CD58: variants seen among roughly 807,000 people sequenced by gnomAD.
CD58 encodes CD58 molecule.
A neutral mutation model predicts 27.6 loss-of-function variants in CD58; 14 were observed. The ratio of observed to expected loss-of-function variants is 0.51; its 90% confidence interval spans 0.34 to 0.79. The LOEUF (loss-of-function observed/expected upper bound fraction) is 0.79. Among genes scored for constraint, CD58 ranks in the 30% least tolerant of loss-of-function variants. CD58 has a pLI of 0.02. For synonymous variants in CD58, 117 were observed against 103.8 expected (o/e 1.13, Z -0.77); for missense variants, 268 against 301.7 (o/e 0.89, Z 0.83).
intron 2 of CD58, among the ~76,000 whole-genome samples, chr1:116,537,635 T>C (rs1459387705): frequency 6.6e-6 from 1 of 152,198 alleles, no homozygotes; most frequent in Admixed American, 6.5e-5. Context: ...AGCATGGACC[T>C]ACAAGGATGA....
chr1:116,565,887 A>AT (rs911068493), intron 1 of CD58, among the ~76,000 whole-genome samples: 51 of 152,014 alleles, frequency 3.4e-4, no homozygotes, highest in Middle Eastern at 6.8e-3. Flanking sequence ...TGCCCAGCTA[A>AT]TTTTTTGTTT....
chr1:116,531,073 A>C lies in CD58; in HGVS notation c.628+4892T>G, dbSNP rs1161581592. Among the ~76,000 whole-genome samples the C allele has an allele frequency of 1.3e-5, 2 of 152,200 alleles. No homozygotes were observed. The highest frequency in any genetic ancestry group is 4.8e-5 in the African/African-American group (2 of 41,440). ...TCACCATTATTTAATAATTAAAAGAATTTTTTCAAATTAATAGTACTTATT... is the reference window on the plus strand; with the variant it reads ...TCACCATTATTTAATAATTAAAAGACTTTTTTCAAATTAATAGTACTTATT... On this transcript the variant is annotated intron_variant, in intron 3 of 5. Coordinates refer to ENST00000369489, the MANE Select transcript of CD58 (RefSeq NM_001779.3). The surrounding 1 kb of genome is among the most constrained non-coding windows in gnomAD (Gnocchi z 4.5).
chr1:116,514,825 A>G lies in CD58; in HGVS notation c.744-3T>C. ...CTTCTGTTACCAATCAATTGGAGCT[A>G]CAAAAAAAAATCATATTATTAACTT... On this transcript the variant is annotated splice_region_variant and splice_polypyrimidine_tract_variant and intron_variant, in intron 5 of 5. Transcript: ENST00000369489. 6.4e-7 allele frequency: 1 copy of G among 1,557,858 alleles called. No homozygotes were observed. The highest frequency in any genetic ancestry group is 2.3e-5 in the East Asian group (1 of 44,418).
intron 2 of CD58, among the ~76,000 whole-genome samples, chr1:116,543,649 G>A (rs1658063657): frequency 6.6e-6 from 1 of 152,014 alleles, no homozygotes; most frequent in African/African-American, 2.4e-5. Flanking sequence ...GGAGCTGGGT[G>A]TGGTGGCTCA....
chr1:116,528,571 A>G lies in CD58; in HGVS notation c.629-6588T>C, dbSNP rs1571062996. 6.6e-6 allele frequency among the ~76,000 whole-genome samples: 1 copy of G among 152,184 alleles called. No homozygotes were observed. The highest frequency in any genetic ancestry group is 1.9e-4 in the East Asian group (1 of 5,198). On this transcript the variant is annotated intron_variant, in intron 3 of 5. Coordinates refer to ENST00000369489, the MANE Select transcript of CD58 (RefSeq NM_001779.3). The surrounding 1 kb of genome is among the most constrained non-coding windows in gnomAD (Gnocchi z 4.4). ...CAACAGTTGGAAACTGGTACTCTAGAGAATATCCTCTTGCCTACCCCTTCA... is the reference window on the plus strand; with the variant it reads ...CAACAGTTGGAAACTGGTACTCTAGGGAATATCCTCTTGCCTACCCCTTCA...
At chr1:116,562,226 G>A (rs1022719359) in intron 1 of CD58, among the ~76,000 whole-genome samples, 10 of 152,034 alleles carry the variant, frequency 6.6e-5, no homozygotes, top group African/African-American at 2.4e-4. Flanking sequence ...TGCATACAAG[G>A]AACTTAAAAT....
At position 116,523,606 on chromosome 1, in the gene CD58, C is replaced by G. The variant is rs1453155227; in HGVS notation, c.629-1623G>C. On this transcript the variant is annotated intron_variant, in intron 3 of 5. Coordinates refer to ENST00000369489, the MANE Select transcript of CD58 (RefSeq NM_001779.3). This position sits in a 1 kb window ranked among gnomAD's most constrained non-coding sequence, Gnocchi z 4.4. ...GATATTCCTTGGCAATAATACTCCC[C>G]AAGTAGTGTTTGTATACTTCCCTTA... 6.6e-6 allele frequency among the ~76,000 whole-genome samples: 1 copy of G among 152,156 alleles called. No homozygotes were observed. The highest frequency in any genetic ancestry group is 1.5e-5 in the Non-Finnish European group (1 of 68,028).
chr1:116,518,057 GAC>G (rs1257902623), intron 5 of CD58, among the ~76,000 whole-genome samples: 10 of 152,024 alleles, frequency 6.6e-5, no homozygotes, highest in African/African-American at 9.7e-5. Context: ...AATATATTTT[GAC>G]ACAGTTATTT....
rs893073919 is a variant in CD58, at chr1:116,515,328, T to A, written c.744-506A>T. Among the ~76,000 whole-genome samples the A allele has an allele frequency of 6.6e-6, 1 of 152,190 alleles. No homozygotes were observed. The highest frequency in any genetic ancestry group is 1.9e-4 in the East Asian group (1 of 5,202). On this transcript the variant is annotated intron_variant, in intron 5 of 5. Coordinates refer to ENST00000369489, the MANE Select transcript of CD58 (RefSeq NM_001779.3). The surrounding 1 kb of genome is among the most constrained non-coding windows in gnomAD (Gnocchi z 4.6). ...TGAGCAAGCCCTCAAACCGAGTCCA[T>A]TTCCCGGCCTCCTCCCCCGTGGTCT...
In CD58 at chr1:116,533,035, CTCT is replaced by C. The variant is rs371035115; in HGVS notation, c.628+2927_628+2929del. 64 of 729,178 alleles carry C rather than the reference CTCT, an allele frequency of 8.8e-5. No homozygotes were observed. The African/African-American group carries it at 9.4e-4, about 11-fold the overall frequency. 45.2% of individuals were successfully genotyped at this position (729,178 alleles called of 1,614,324 possible). ...CCTCCTCATCACCTTCTAATTCGTC[CTCT>C]TCTTCTTCACCTTCGTCAAAATTGT... On this transcript the variant is annotated intron_variant, in intron 3 of 5. Coordinates refer to ENST00000369489, the MANE Select transcript of CD58 (RefSeq NM_001779.3).
In CD58 at chr1:116,519,004, G is replaced by A. The variant is rs1657180259; in HGVS notation, c.743+227C>T. The A allele has an allele frequency of 1.1e-5, 12 of 1,089,348 alleles. No individual in the cohort carries two copies. Among genetic ancestry groups the A allele is most frequent in the Non-Finnish European group, 1.5e-5 (12 of 791,376 alleles). 67.5% of individuals were successfully genotyped at this position (1,089,348 alleles called of 1,614,324 possible). ...AAGGGGTATGATACTCCTCCTGCAA[G>A]GCTCATTGAGAGGGTTCCAGGAAAC... is the stretch of plus-strand genomic sequence containing the variant. On this transcript the variant is annotated intron_variant, in intron 5 of 5. Transcript: ENST00000369489. This position sits in a 1 kb window ranked among gnomAD's most constrained non-coding sequence, Gnocchi z 4.7.
rs1657372443 is a variant in CD58 at position 116,524,583 on chromosome 1, A to G, written c.629-2600T>C. Among the ~76,000 whole-genome samples, 1 of 152,222 alleles carries G rather than the reference A, an allele frequency of 6.6e-6. No homozygotes were observed. Among genetic ancestry groups the G allele is most frequent in the Non-Finnish European group, 1.5e-5 (1 of 68,026 alleles). ...ACCTTTAAATAAATCCAGGGCTACA[A>G]TGTTTACTTAACCTAATCAATTTAC... On this transcript the variant is annotated intron_variant, in intron 3 of 5. Transcript: ENST00000369489. This position sits in a 1 kb window ranked among gnomAD's most constrained non-coding sequence, Gnocchi z 4.6.
At chr1:116,551,335 C>A (rs1158651226) in intron 1 of CD58, among the ~76,000 whole-genome samples, 1 of 152,238 alleles carries the variant, frequency 6.6e-6, no homozygotes, top group Non-Finnish European at 1.5e-5. Flanking sequence ...TGGATAATTT[C>A]TTGCAGCTTC....
intron 2 of CD58, among the ~76,000 whole-genome samples, chr1:116,537,040 G>A (rs1657836112): frequency 6.6e-6 from 1 of 152,214 alleles, no homozygotes; most frequent in Non-Finnish European, 1.5e-5. Context: ...AGGATGGCTT[G>A]AGGCCAGGAG....
In CD58 at chr1:116,521,905, C is replaced by A; in HGVS notation, c.706+1G>T. 1.4e-6 allele frequency: 2 copies of A among 1,478,254 alleles called. No homozygotes were observed. Among genetic ancestry groups the A allele is most frequent in the Non-Finnish European group, 1.9e-6 (2 of 1,059,708 alleles). The allele number at this position is 1,478,254 out of a possible 1,614,324, so 91.6% of individuals were successfully genotyped here. ...TATTTTGTTTTAAAAAGCATACATA[C>A]CATTCATATACAGCACAATACATGT... On this transcript the variant is annotated splice_donor_variant, in intron 4 of 5. Transcript: ENST00000369489. LOFTEE classifies it high-confidence loss of function. The surrounding 1 kb of genome is among the most constrained non-coding windows in gnomAD (Gnocchi z 5.6).
rs560206112 is a variant in CD58 at position 116,516,592 on chromosome 1, C to A, written c.744-1770G>T. 6.6e-6 allele frequency among the ~76,000 whole-genome samples: 1 copy of A among 152,288 alleles called. No homozygotes were observed. Among genetic ancestry groups the A allele is most frequent in the African/African-American group, 2.4e-5 (1 of 41,552 alleles). On this transcript the variant is annotated intron_variant, in intron 5 of 5. Coordinates refer to ENST00000369489, the MANE Select transcript of CD58 (RefSeq NM_001779.3). The surrounding 1 kb of genome is among the most constrained non-coding windows in gnomAD (Gnocchi z 6.1). ...GTCAATCTTACTATCAAATAAATCACAACAGATTTAATTCCCTCTCATGTA... is the reference window on the plus strand; with the variant it reads ...GTCAATCTTACTATCAAATAAATCAAAACAGATTTAATTCCCTCTCATGTA...
Position 116,516,557 on chromosome 1 carries a change from T to A in CD58, c.744-1735A>T, listed in dbSNP as rs1441971801. Among the ~76,000 whole-genome samples, 1 of 152,216 alleles carries A rather than the reference T, an allele frequency of 6.6e-6. No homozygotes were observed. The highest frequency in any genetic ancestry group is 1.5e-5 in the Non-Finnish European group (1 of 68,042). ...GTCTTTTGCCTCTACTTCAACTCGATGCCAGGCAGGTCAATCTTACTATCA... is the reference window on the plus strand; with the variant it reads ...GTCTTTTGCCTCTACTTCAACTCGAAGCCAGGCAGGTCAATCTTACTATCA... On this transcript the variant is annotated intron_variant, in intron 5 of 5. Transcript: ENST00000369489. This position sits in a 1 kb window ranked among gnomAD's most constrained non-coding sequence, Gnocchi z 6.1.
At chr1:116,544,850 G>A (rs1226525913) in intron 1 of CD58, among the ~76,000 whole-genome samples, 1 of 152,198 alleles carries the variant, frequency 6.6e-6, no homozygotes, top group African/African-American at 2.4e-5. Context: ...CTGGGAATAT[G>A]GGGTTGTTCC....
At chr1:116,553,345 G>T (rs752864355) in intron 1 of CD58, among the ~76,000 whole-genome samples, 37 of 152,066 alleles carry the variant, frequency 2.4e-4, no homozygotes, top group Admixed American at 8.5e-4. Context: ...GTGGAAGACT[G>T]ATGGGAGGGG....
Sources: gnomAD v4.1 joint callset for allele counts (sites outside exome capture counted in the v4.1 genomes callset) on GRCh38, gnomAD v4.1.1 for gene constraint, Gnocchi (gnomAD v3.1) non-coding constraint, MANE v1.5 for transcripts, NCBI Gene and HGNC (gene_info 2026-07-23, HGNC 2026-07-21) for gene names.